The following RSPO4 variants were observed in gnomAD, a reference collection of about 807,000 sequenced individuals.
The protein encoded by RSPO4 is R-spondin 4, also known as R-spondin-4.
Under a neutral mutation model 24.8 loss-of-function variants are expected in RSPO4, and 23 were observed. The observed-to-expected ratio is 0.93, with a 90% CI of 0.67 to 1.31. RSPO4 has a LOEUF of 1.31. RSPO4 is among the 40% of genes most tolerant of loss of function. The pLI is 0.00. For missense variants in RSPO4, 333 were observed against 316.5 expected (o/e 1.05, Z -0.39); for synonymous variants, 141 against 127.4 (o/e 1.11, Z -0.72).
At chr20:973,606 TG>T (rs1984477245) in intron 1 of RSPO4, among the ~76,000 whole-genome samples, 1 of 152,190 alleles carries the variant, frequency 6.6e-6, no homozygotes. Context: ...CCCGAGCAGC[TG>T]GGATTACAGG....
chr20:981,548 A>C lies in RSPO4; in HGVS notation c.80-13410T>G, dbSNP rs534214935. Among the ~76,000 whole-genome samples, 17 of 152,272 alleles carry C rather than the reference A, an allele frequency of 1.1e-4. No individual in the cohort carries two copies. The highest frequency in any genetic ancestry group is 3.8e-4 in the African/African-American group (16 of 41,560). Reference sequence around the variant, plus strand: ...CAAAAAAGATAAGATATAAAATAAAATAAAATAAAAATAAAATATCAAATG... The same window carrying C: ...CAAAAAAGATAAGATATAAAATAAACTAAAATAAAAATAAAATATCAAATG... On this transcript the variant is annotated intron_variant, in intron 1 of 4. Transcript: ENST00000217260. The surrounding 1 kb of genome is among the most constrained non-coding windows in gnomAD (Gnocchi z 4.6).
intron 1 of RSPO4, among the ~76,000 whole-genome samples, chr20:994,866 A>C (rs568910872): frequency 3.2e-4 from 48 of 152,232 alleles, no homozygotes; most frequent in African/African-American, 1.1e-3. Context: ...GCCTGGCTCC[A>C]TCCTGTCTTC....
At chr20:990,862 C>G (rs920979886) in intron 1 of RSPO4, among the ~76,000 whole-genome samples, 4 of 152,166 alleles carry the variant, frequency 2.6e-5, no homozygotes, top group African/African-American at 9.7e-5. Context: ...AAGGGGACCC[C>G]AAGGACAGGG....
chr20:991,476 A>C (rs1443654514), intron 1 of RSPO4, among the ~76,000 whole-genome samples: 1 of 152,198 alleles, frequency 6.6e-6, no homozygotes. Flanking sequence ...AGGTAATACA[A>C]GGAAGCCCTA....
chr20:991,325 T>C (rs914940776), intron 1 of RSPO4, among the ~76,000 whole-genome samples: 1 of 151,956 alleles, frequency 6.6e-6, no homozygotes, highest in African/African-American at 2.4e-5. Flanking sequence ...ACAAGCCCCC[T>C]CTCCCCACTC....
chr20:973,692 T>C (rs906861024), intron 1 of RSPO4, among the ~76,000 whole-genome samples: 31 of 152,148 alleles, frequency 2.0e-4, no homozygotes, highest in African/African-American at 7.5e-4. Context: ...GCCAGGCTGG[T>C]CTCGACCTCC....
chr20:965,891 A>G, intron 3 of RSPO4, among the ~76,000 whole-genome samples: 1 of 152,244 alleles, frequency 6.6e-6, no homozygotes, highest in East Asian at 1.9e-4. Context: ...GTGCCTGGCC[A>G]TAGCAGATGC....
intron 1 of RSPO4, among the ~76,000 whole-genome samples, chr20:997,192 C>G (rs1985320798): frequency 6.6e-6 from 1 of 152,222 alleles, no homozygotes; most frequent in South Asian, 2.1e-4. Flanking sequence ...CATGGCCCGC[C>G]TCCCTCCTTC....
intron 1 of RSPO4, among the ~76,000 whole-genome samples, chr20:998,970 ACTCT>A (rs1360661878): frequency 7.0e-6 from 1 of 143,216 alleles, no homozygotes; most frequent in Non-Finnish European, 1.5e-5. Flanking sequence ...GGGAAAGGTC[ACTCT>A]CTCTCGCTCT....
intron 2 of RSPO4, among the ~76,000 whole-genome samples, 167 bp from the exon 3 acceptor site, chr20:967,481 T>TG (rs1984251343): frequency 6.6e-6 from 1 of 152,206 alleles, no homozygotes; most frequent in African/African-American, 2.4e-5. Flanking sequence ...CAAACTGGGC[T>TG]GCATGTGAAG....
intron 1 of RSPO4, among the ~76,000 whole-genome samples, chr20:980,778 G>A (rs1306032389): frequency 6.6e-6 from 1 of 152,138 alleles, no homozygotes; most frequent in East Asian, 1.9e-4. Flanking sequence ...ATCACCTGAG[G>A]CTGCTTATTA....
chr20:978,535 G>A (rs1016226087), intron 1 of RSPO4, among the ~76,000 whole-genome samples: 2 of 152,174 alleles, frequency 1.3e-5, no homozygotes, highest in African/African-American at 2.4e-5. Context: ...TTTCTTAAAT[G>A]AATGCATGAA....
At chr20:999,260 C>T (rs1303658719) in intron 1 of RSPO4, among the ~76,000 whole-genome samples, 2 of 152,142 alleles carry the variant, frequency 1.3e-5, no homozygotes, top group East Asian at 3.9e-4. Context: ...AGCTATCCTC[C>T]CATCTTGGCC....
intron 1 of RSPO4, among the ~76,000 whole-genome samples, chr20:973,263 G>A (rs1984463296): frequency 6.6e-6 from 1 of 152,216 alleles, no homozygotes; most frequent in African/African-American, 2.4e-5. Flanking sequence ...GATGAGATAA[G>A]GGGTCAAGAT....
At chr20:969,230 C>T (rs547932887) in intron 1 of RSPO4, among the ~76,000 whole-genome samples, 2 of 152,338 alleles carry the variant, frequency 1.3e-5, no homozygotes, top group African/African-American at 2.4e-5. Context: ...GTGGGAGGAT[C>T]GCCTGAGCGG....
chr20:964,743 C>T (rs1456353116), intron 3 of RSPO4, among the ~76,000 whole-genome samples: 1 of 147,150 alleles, frequency 6.8e-6, no homozygotes, highest in African/African-American at 2.6e-5. Flanking sequence ...CACACACACA[C>T]ATATATATAC....
At chr20:999,279 T>C (rs1296166179) in intron 1 of RSPO4, among the ~76,000 whole-genome samples, 1 of 152,174 alleles carries the variant, frequency 6.6e-6, no homozygotes, top group African/African-American at 2.4e-5. Context: ...CCTCCCAAAG[T>C]GCCAGGATTA....
intron 1 of RSPO4, among the ~76,000 whole-genome samples, chr20:987,638 A>T (rs536462646): frequency 6.6e-6 from 1 of 152,266 alleles, no homozygotes; most frequent in East Asian, 1.9e-4. Flanking sequence ...ATAAAAAAAA[A>T]AAATTAGCCA....
At chr20:973,900 C>A (rs1474371812) in intron 1 of RSPO4, among the ~76,000 whole-genome samples, 3 of 152,166 alleles carry the variant, frequency 2.0e-5, no homozygotes, top group African/African-American at 7.2e-5. Context: ...CTAGGATGCC[C>A]TCTTGTGCCT....
Sources: allele counts gnomAD v4.1 joint callset (sites outside exome capture counted in the v4.1 genomes callset), GRCh38; gene constraint gnomAD v4.1.1; non-coding constraint Gnocchi (gnomAD v3.1); transcripts MANE v1.5; gene names NCBI Gene and HGNC (gene_info 2026-07-23, HGNC 2026-07-21).